Variants in ERN1 observed in about 807,000 individuals in gnomAD.
The protein encoded by ERN1 is endoplasmic reticulum to nucleus signaling 1.
Under a neutral mutation model 113.1 loss-of-function variants are expected in ERN1, and 39 were observed. The observed-to-expected ratio is 0.34, with a 90% CI of 0.27 to 0.45. The LOEUF is 0.45. Among genes scored for constraint, ERN1 ranks in the 20% least tolerant of loss-of-function variants. ERN1 has a pLI of 1.00. For synonymous variants in ERN1, 507 were observed against 515.9 expected (o/e 0.98, Z 0.23); for missense variants, 976 against 1,274.8 (o/e 0.77, Z 3.57).
At chr17:64,091,288 G>T (rs147869002) in intron 2 of ERN1, among the ~76,000 whole-genome samples, 8 of 152,272 alleles carry the variant, frequency 5.3e-5, no homozygotes, top group African/African-American at 1.9e-4. Context: ...AACCAGAACC[G>T]GAAACTGTCA....
intron 6 of ERN1, among the ~76,000 whole-genome samples, chr17:64,071,745 T>C (rs1228477748): frequency 1.3e-5 from 2 of 152,038 alleles, no homozygotes; most frequent in African/African-American, 4.8e-5. Flanking sequence ...ATGAGAGAAA[T>C]GAGGCGAGAA....
At chr17:64,094,882 G>C (rs985279260) in intron 2 of ERN1, among the ~76,000 whole-genome samples, 2 of 152,076 alleles carry the variant, frequency 1.3e-5, no homozygotes, top group Admixed American at 1.3e-4. Flanking sequence ...TATGATAAAA[G>C]GGTTTGCCTG....
intron 2 of ERN1, among the ~76,000 whole-genome samples, chr17:64,097,546 C>A (rs1914263309): frequency 6.6e-6 from 1 of 152,174 alleles, no homozygotes; most frequent in African/African-American, 2.4e-5. Context: ...AATTTCCCAG[C>A]TGTAGGGCTT....
chr17:64,085,203 TACCTGA>T (rs1484160653), intron 2 of ERN1, among the ~76,000 whole-genome samples: 1 of 152,300 alleles, frequency 6.6e-6, no homozygotes, highest in East Asian at 1.9e-4. Context: ...TATAAAGGAA[TACCTGA>T]GGCTGGGTAA....
intron 2 of ERN1, among the ~76,000 whole-genome samples, chr17:64,081,564 A>G (rs768919524): frequency 6.6e-6 from 1 of 152,182 alleles, no homozygotes; most frequent in Non-Finnish European, 1.5e-5. Context: ...AAAAGATAAC[A>G]TTGTACATAG....
Position 64,052,785 on chromosome 17 carries a change from T to G in ERN1, c.2248A>C (p.Asn750His). The G allele has an allele frequency of 5.0e-6, 8 of 1,613,342 alleles. No homozygotes were observed. Among genetic ancestry groups the G allele is most frequent in the Non-Finnish European group, 6.8e-6 (8 of 1,179,414 alleles). Reference protein sequence around the residue: ...PEMLSEDCKENPTYTVDIFSA... With the variant: ...PEMLSEDCKEHPTYTVDIFSA... ...GGCCATAGCCTATTACTCACAGGGT[T>G]CTCCTTACAGTCTTCGCTCAGCATC... Residue 750 changes from asparagine to histidine, a missense_variant, in exon 17 of 22, where the codon AAC becomes CAC. Asn to His is a moderately conservative substitution (Grantham distance 68, BLOSUM62 1). This residue lies in a region of ERN1 where 297 missense variants were observed against 457.8 expected (regional missense o/e 0.65). Coordinates refer to ENST00000433197, the MANE Select transcript of ERN1 (RefSeq NM_001433.5).
chr17:64,085,030 C>T (rs573449883), intron 2 of ERN1, among the ~76,000 whole-genome samples: 2 of 152,144 alleles, frequency 1.3e-5, no homozygotes, highest in Non-Finnish European at 2.9e-5. Flanking sequence ...TATTTTATTG[C>T]TTACTTAATG....
intron 1 of ERN1, among the ~76,000 whole-genome samples, chr17:64,122,606 T>C (rs530645757): frequency 2.0e-5 from 3 of 152,338 alleles, no homozygotes; most frequent in African/African-American, 7.2e-5. Context: ...TTAGGATGGA[T>C]TTCATTTTAA....
Position 64,039,370 on chromosome 17 carries a change from A to C in ERN1, c.*4618T>G, listed in dbSNP as rs1253777020. On this transcript the variant is annotated 3_prime_UTR_variant, in exon 22 of 22. Coordinates refer to ENST00000433197, the MANE Select transcript of ERN1 (RefSeq NM_001433.5). ...TCCACAAAGAAGACTGTATCACACA[A>C]TTAACACGTACTAATTAAACAATTA... 6.6e-6 allele frequency: 1 copy of C among 152,234 alleles called. No individual in the cohort carries two copies. Among genetic ancestry groups the C allele is most frequent in the Non-Finnish European group, 1.5e-5 (1 of 68,040 alleles). 9.4% of individuals were successfully genotyped at this position (152,234 alleles called of 1,614,324 possible). A position where few individuals can be genotyped will look rare whatever the true frequency, so the allele number is the denominator to read the frequency against.
chr17:64,130,112 G>T lies in ERN1; in HGVS notation c.-83C>A. On this transcript the variant is annotated 5_prime_UTR_variant, in exon 1 of 22. Transcript: ENST00000433197. The surrounding 1 kb of genome is among the most constrained non-coding windows in gnomAD (Gnocchi z 4.0). ...CCGCGACGACAGCGAGGCGGTGACC[G>T]AGCCTCAGCGGACGCAGAACTGACT... The T allele has an allele frequency of 1.6e-6, 2 of 1,219,450 alleles. No individual in the cohort carries two copies. The highest frequency in any genetic ancestry group is 2.1e-6 in the Non-Finnish European group (2 of 958,292). The allele number at this position is 1,219,450 out of a possible 1,614,324, so 75.5% of individuals were successfully genotyped here.
At position 64,072,197 on chromosome 17, in the gene ERN1, T is replaced by C. The variant is rs1913443118; in HGVS notation, c.356-94A>G. The C allele has an allele frequency of 1.2e-5, 17 of 1,361,538 alleles. No individual in the cohort carries two copies. The Admixed American group carries it at 2.2e-4, about 17-fold the overall frequency. 84.3% of individuals were successfully genotyped at this position (1,361,538 alleles called of 1,614,324 possible). Reference sequence around the variant, plus strand: ...CCAAGATGCTCTGTATTGAGAGAGATAGACCTGAATTTCTTAGGATGTCAT... The same window carrying C: ...CCAAGATGCTCTGTATTGAGAGAGACAGACCTGAATTTCTTAGGATGTCAT... On this transcript the variant is annotated intron_variant, in intron 5 of 21. Transcript: ENST00000433197.
Position 64,040,629 on chromosome 17 carries a change from C to T in ERN1, c.*3359G>A, listed in dbSNP as rs1290383096. 2 of 152,234 alleles carry T rather than the reference C, an allele frequency of 1.3e-5. No individual in the cohort carries two copies. Among genetic ancestry groups the T allele is most frequent in the Non-Finnish European group, 2.9e-5 (2 of 68,054 alleles). The allele number at this position is 152,234 out of a possible 1,614,324, so 9.4% of individuals were successfully genotyped here. On this transcript the variant is annotated 3_prime_UTR_variant, in exon 22 of 22. Transcript: ENST00000433197. Reference sequence around the variant, plus strand: ...GGGAAGAAACTCTGCTGGATCTACTCACCTGCAGATCTTCCAGAACATCTA... The same window carrying T: ...GGGAAGAAACTCTGCTGGATCTACTTACCTGCAGATCTTCCAGAACATCTA...
intron 1 of ERN1, 42 bp downstream of exon 1, chr17:64,129,934 C>A (rs1915191966): frequency 1.4e-6 from 2 of 1,389,950 alleles, no homozygotes; most frequent in Non-Finnish European, 1.9e-6. Flanking sequence ...CCGACCCGGC[C>A]GTCGCGAGCT....
At chr17:64,101,198 C>G (rs1011226030) in intron 1 of ERN1, among the ~76,000 whole-genome samples, 1 of 152,142 alleles carries the variant, frequency 6.6e-6, no homozygotes. Context: ...CACTTGAGGT[C>G]AGATGTTCGA....
At chr17:64,067,633 C>T (rs946464299) in intron 7 of ERN1, among the ~76,000 whole-genome samples, 11 of 151,802 alleles carry the variant, frequency 7.2e-5, no homozygotes, top group African/African-American at 9.7e-5. Context: ...AAAAAACACC[C>T]TGAAAGTCAG....
intron 13 of ERN1, 116 bp downstream of exon 13, chr17:64,055,559 G>A: frequency 2.0e-6 from 2 of 992,996 alleles, no homozygotes; most frequent in Non-Finnish European, 2.8e-6. Flanking sequence ...GAAGTTAGAG[G>A]AGAACACAGT....
intron 6 of ERN1, among the ~76,000 whole-genome samples, chr17:64,071,054 T>C (rs1756637383): frequency 6.6e-6 from 1 of 152,150 alleles, no homozygotes; most frequent in Non-Finnish European, 1.5e-5. Context: ...AAATATGCAG[T>C]GCCAAGTGTT....
At chr17:64,088,085 T>A (rs567258154) in intron 2 of ERN1, among the ~76,000 whole-genome samples, 28 of 152,302 alleles carry the variant, frequency 1.8e-4, no homozygotes, top group African/African-American at 6.7e-4. Context: ...TAGGAAGAAG[T>A]AAGATCCCTT....
chr17:64,047,980 C>T lies in ERN1; in HGVS notation c.2407G>A (p.Val803Ile), dbSNP rs1463577069. ...TTCTCTATCAATTCACGTGCAATGA[C>T]GTCTTCTATAAAGGAGGAAAATAAG... ...DCLHPEKHED[V>I]IARELIEKMI... The change falls in exon 19 of 22, where the codon GTC (valine) becomes ATC (isoleucine). Residue 803 changes from valine (V) to isoleucine (I), a missense_variant. Val to Ile is a conservative substitution (Grantham distance 29). Around this residue, in one of 5 missense-constraint regions of ERN1, gnomAD observed 297 missense variants for 457.8 expected, o/e 0.65. Transcript: ENST00000433197. The T allele has an allele frequency of 8.1e-6, 13 of 1,611,042 alleles. No individual in the cohort carries two copies. Among genetic ancestry groups the T allele is most frequent in the African/African-American group, 2.7e-5 (2 of 74,892 alleles).
Sources: allele counts gnomAD v4.1 joint callset (sites outside exome capture counted in the v4.1 genomes callset), GRCh38; gene constraint gnomAD v4.1.1; regional missense constraint gnomAD v4.1.1; non-coding constraint Gnocchi (gnomAD v3.1); transcripts MANE v1.5; gene names NCBI Gene and HGNC (gene_info 2026-07-23, HGNC 2026-07-21).